Variants in NAP1L1 observed in about 807,000 individuals in gnomAD.
The protein encoded by NAP1L1 is nucleosome assembly protein 1 like 1.
NAP1L1 carries 9 observed loss-of-function variants against 58.9 expected under a neutral mutation model. That is an observed-to-expected ratio of 0.15 (90% CI 0.09 to 0.27). The LOEUF is 0.27. NAP1L1 is among the 10% of genes least tolerant of loss of function. The pLI, the probability that NAP1L1 is intolerant of heterozygous loss-of-function variation, is 1.00. For synonymous variants in NAP1L1, 130 were observed against 138.3 expected (o/e 0.94, Z 0.42); for missense variants, 302 against 458.8 (o/e 0.66, Z 3.12).
intron 6 of NAP1L1, among the ~76,000 whole-genome samples, chr12:76,058,409 C>T (rs1213163498): frequency 4.0e-4 from 56 of 140,696 alleles, no homozygotes; most frequent in African/African-American, 1.2e-3. Flanking sequence ...TTTTTTGAGA[C>T]GGAGTCTCAC....
intron 4 of NAP1L1, among the ~76,000 whole-genome samples, chr12:76,063,652 C>T (rs1356894727): frequency 6.6e-6 from 1 of 151,998 alleles, no homozygotes; most frequent in Non-Finnish European, 1.5e-5. Flanking sequence ...CAAAAATTAG[C>T]CAGGCATGGT....
At chr12:76,057,720 T>C (rs1325852044) in intron 6 of NAP1L1, 3 of 1,543,924 alleles carry the variant, frequency 1.9e-6, no homozygotes, top group Non-Finnish European at 1.8e-6. Context: ...AGAAGAATTT[T>C]CCAAATGAAT....
Position 76,053,926 on chromosome 12 carries a change from T to C in NAP1L1, c.631-17A>G, listed in dbSNP as rs1948954783. 1.3e-6 allele frequency: 2 copies of C among 1,591,586 alleles called. No homozygotes were observed. The highest frequency in any genetic ancestry group is 2.3e-5 in the South Asian group (2 of 86,546). On this transcript the variant is annotated splice_polypyrimidine_tract_variant and intron_variant, in intron 8 of 14. Transcript: ENST00000618691. ...GACAAAACTCTGGGGAGAGGAAGCA[T>C]AAAAATCAGTTAAATACCTACCTCA...
At chr12:76,081,861 C>CATTATA (rs370421513) in intron 1 of NAP1L1, among the ~76,000 whole-genome samples, 2 of 152,332 alleles carry the variant, frequency 1.3e-5, no homozygotes, top group African/African-American at 4.8e-5. Context: ...TTAAAATCAT[C>CATTATA]AAATTATAAC....
intron 2 of NAP1L1, among the ~76,000 whole-genome samples, chr12:76,071,888 T>C (rs1949968035): frequency 6.6e-6 from 1 of 151,108 alleles, no homozygotes; most frequent in African/African-American, 2.4e-5. Flanking sequence ...TAGAGCCTCC[T>C]CTACATTTAA....
intron 6 of NAP1L1, chr12:76,056,685 TA>T (rs34298638): frequency 0.27 from 102,540 of 378,704 alleles, 20 homozygotes; most frequent in South Asian, 0.4. Flanking sequence ...ACCATGAAGT[TA>T]AAAAAAAAAA....
intron 2 of NAP1L1, among the ~76,000 whole-genome samples, chr12:76,071,228 T>C (rs1042463982): frequency 6.6e-6 from 1 of 152,082 alleles, no homozygotes; most frequent in Non-Finnish European, 1.5e-5. Flanking sequence ...CACCAAGCCT[T>C]TTACAGAGAA....
chr12:76,041,684 C>A lies in NAP1L1; in HGVS notation c.*6745G>T, dbSNP rs1308346856. 6.6e-6 allele frequency: 1 copy of A among 152,154 alleles called. No homozygotes were observed. Among genetic ancestry groups the A allele is most frequent in the Non-Finnish European group, 1.5e-5 (1 of 68,034 alleles). 9.4% of individuals were successfully genotyped at this position (152,154 alleles called of 1,614,324 possible). A position where few individuals can be genotyped will look rare whatever the true frequency, so the allele number is the denominator to read the frequency against. ...ACCACTTGAGCCCAGGAGTTAGACA[C>A]TAGTCCAGGCAACATAGTGAGAATC... On this transcript the variant is annotated 3_prime_UTR_variant, in exon 15 of 15. Coordinates refer to ENST00000618691, the MANE Select transcript of NAP1L1 (RefSeq NM_004537.7).
Position 76,056,185 on chromosome 12 carries a change from T to C in NAP1L1, c.430-24A>G, listed in dbSNP as rs1949075162. On this transcript the variant is annotated intron_variant, in intron 6 of 14. Transcript: ENST00000618691. ...TCCTTGATTAAGTGACAGCAAACAT[T>C]ATTTAATACATAGATTAGACCTCAT... 3 of 1,601,886 alleles carry C rather than the reference T, an allele frequency of 1.9e-6. No homozygotes were observed. In the African/African-American group the frequency reaches 4.1e-5, roughly 22 times the overall value.
chr12:76,059,693 C>A, intron 6 of NAP1L1, 105 bp downstream of exon 6: 2 of 745,392 alleles, frequency 2.7e-6, no homozygotes, highest in African/African-American at 1.9e-5. Flanking sequence ...TGAAAAAATA[C>A]AACTGGTTAT....
intron 9 of NAP1L1, among the ~76,000 whole-genome samples, 171 bp downstream of exon 9, chr12:76,053,599 A>G (rs887619203): frequency 2.6e-5 from 4 of 152,220 alleles, no homozygotes; most frequent in Non-Finnish European, 4.4e-5. Context: ...TGAGACAGTC[A>G]TGGGTCCAAG....
At chr12:76,051,756 T>C (rs916198093) in intron 11 of NAP1L1, among the ~76,000 whole-genome samples, 3 of 152,192 alleles carry the variant, frequency 2.0e-5, no homozygotes, top group Admixed American at 6.5e-5. Context: ...GGCTCATGCC[T>C]GTAATCCCAG....
rs1948885326 is a variant in NAP1L1, at chr12:76,052,390, CT to C, written c.936+700del. ...TGAAATTCACACTGCTTTATGTTCT[CT>C]TTTTTTGTCCTATAAGCCAAGCCAG... On this transcript the variant is annotated intron_variant, in intron 11 of 14. Transcript: ENST00000618691. 2.0e-5 allele frequency among the ~76,000 whole-genome samples: 3 copies of C among 152,128 alleles called. No individual in the cohort carries two copies. In the East Asian group the frequency reaches 5.8e-4, roughly 29 times the overall value.
Position 76,049,028 on chromosome 12 carries a change from C to T in NAP1L1, c.1140+172G>A, listed in dbSNP as rs1948702575. On this transcript the variant is annotated intron_variant, in intron 14 of 14. Coordinates refer to ENST00000618691, the MANE Select transcript of NAP1L1 (RefSeq NM_004537.7). ...ACAATGTTTTTTAGAAAAACGTCCACTGAAATTATGTGTACTGTTCACAAT... is the reference window on the plus strand; with the variant it reads ...ACAATGTTTTTTAGAAAAACGTCCATTGAAATTATGTGTACTGTTCACAAT... 7 of 581,598 alleles carry T rather than the reference C, an allele frequency of 1.2e-5. No individual in the cohort carries two copies. In the East Asian group the frequency reaches 2.0e-4, roughly 17 times the overall value. 36.0% of individuals were successfully genotyped at this position (581,598 alleles called of 1,614,324 possible). A position where few individuals can be genotyped will look rare whatever the true frequency, so the allele number is the denominator to read the frequency against.
In NAP1L1 at chr12:76,071,729, C is replaced by T. The variant is rs546702934; in HGVS notation, c.17+2474G>A. Reference sequence around the variant, plus strand: ...AAACAAGAAAGTAAAAACTGATAAGCAGTTAAATCATTAGATCTTCTCTAC... The same window carrying T: ...AAACAAGAAAGTAAAAACTGATAAGTAGTTAAATCATTAGATCTTCTCTAC... On this transcript the variant is annotated intron_variant, in intron 2 of 14. Coordinates refer to ENST00000618691, the MANE Select transcript of NAP1L1 (RefSeq NM_004537.7). 3.3e-5 allele frequency among the ~76,000 whole-genome samples: 5 copies of T among 152,222 alleles called. No homozygotes were observed. In the East Asian group the frequency reaches 5.8e-4, roughly 18 times the overall value.
intron 4 of NAP1L1, chr12:76,061,057 T>G (rs1187343163): frequency 2.3e-6 from 1 of 442,556 alleles, no homozygotes; most frequent in Admixed American, 2.5e-5. Flanking sequence ...GCACCACCAC[T>G]GCACTCCAGC....
In NAP1L1 at chr12:76,038,519, A is replaced by C. The variant is rs953334134; in HGVS notation, c.*9910T>G. The stretch of plus-strand genomic sequence containing the variant: ...CTTTCTTAGGTGATAGAGGACATAT[A>C]GCAGTGAGTGTAGACAATTCCTCCC... On this transcript the variant is annotated 3_prime_UTR_variant, in exon 15 of 15. Transcript: ENST00000618691. The C allele has an allele frequency of 1.3e-5, 2 of 152,252 alleles. No homozygotes were observed. Among genetic ancestry groups the C allele is most frequent in the African/African-American group, 4.8e-5 (2 of 41,460 alleles). The allele number at this position is 152,252 out of a possible 1,614,324, so 9.4% of individuals were successfully genotyped here. A position where few individuals can be genotyped will look rare whatever the true frequency, so the allele number is the denominator to read the frequency against.
Position 76,056,143 on chromosome 12 carries a change from C to T in NAP1L1, c.448G>A (p.Ala150Thr). The change falls in exon 7 of 15, where the codon GCC (alanine) becomes ACC (threonine). Residue 150 changes from alanine (A) to threonine (T), a missense_variant. Transcript: ENST00000618691. ...TCTTTTTTCTCATCTTCAATCTTGG[C>T]CTTTTCTTTCAATTCCTCCTTGATT... ...DEISEELKEK[A>T]KIEDEKKDEE... 6.2e-7 allele frequency: 1 copy of T among 1,611,360 alleles called. No homozygotes were observed. Among genetic ancestry groups the T allele is most frequent in the Non-Finnish European group, 8.5e-7 (1 of 1,178,916 alleles).
intron 9 of NAP1L1, 75 bp from the exon 10 acceptor site, chr12:76,053,425 T>C: frequency 2.0e-6 from 3 of 1,501,012 alleles, no homozygotes; most frequent in South Asian, 1.3e-5. Flanking sequence ...GTAAATGTTC[T>C]ATTTAGATTT....
Sources: allele counts gnomAD v4.1 joint callset (sites outside exome capture counted in the v4.1 genomes callset), GRCh38; gene constraint gnomAD v4.1.1; transcripts MANE v1.5; gene names NCBI Gene and HGNC (gene_info 2026-07-23, HGNC 2026-07-21).